ANKRD50: variants seen among roughly 807,000 people sequenced by gnomAD.
ANKRD50 encodes the protein ankyrin repeat domain-containing protein 50.
Under a neutral mutation model 112.0 loss-of-function variants are expected in ANKRD50, and 40 were observed. The ratio of observed to expected loss-of-function variants is 0.36; its 90% confidence interval spans 0.28 to 0.46. ANKRD50 has a LOEUF of 0.46. Ranked by LOEUF, ANKRD50 falls within the 20% of genes least tolerant of loss-of-function variation. The probability of loss-of-function intolerance (pLI) is 1.00; values close to 1 mark genes in which losing one functional copy is unlikely to be tolerated. For synonymous variants in ANKRD50, 613 were observed against 619.1 expected (o/e 0.99, Z 0.15); for missense variants, 1,487 against 1,701.7 (o/e 0.87, Z 2.22).
At chr4:124,706,281 T>C (rs1725502129) in intron 2 of ANKRD50, among the ~76,000 whole-genome samples, 1 of 152,042 alleles carries the variant, frequency 6.6e-6, no homozygotes. Context: ...TTATTTGTCA[T>C]ACAAATAAAT....
intron 3 of ANKRD50, among the ~76,000 whole-genome samples, chr4:124,676,186 T>C (rs1730770032): frequency 6.6e-6 from 1 of 151,730 alleles, no homozygotes; most frequent in South Asian, 2.1e-4. Context: ...ACAGATATGT[T>C]ATGTTTATGA....
chr4:124,681,367 G>A (rs769783273), intron 2 of ANKRD50, among the ~76,000 whole-genome samples: 2 of 152,164 alleles, frequency 1.3e-5, no homozygotes, highest in Non-Finnish European at 2.9e-5. Context: ...TGGTAAGAAA[G>A]GGATTCAAGT....
At chr4:124,696,235 GA>G (rs1288625475) in intron 2 of ANKRD50, among the ~76,000 whole-genome samples, 1 of 151,874 alleles carries the variant, frequency 6.6e-6, no homozygotes, top group Non-Finnish European at 1.5e-5. Flanking sequence ...TATAATATTT[GA>G]CATTAGGAAC....
intron 2 of ANKRD50, among the ~76,000 whole-genome samples, chr4:124,692,364 T>G (rs1725157410): frequency 6.6e-6 from 1 of 152,176 alleles, no homozygotes; most frequent in Admixed American, 6.5e-5. Flanking sequence ...GTAAATATTT[T>G]AAAGCAATTT....
rs983212311 is a variant in ANKRD50 at position 124,664,544 on chromosome 4, TATC to T, written c.*2971_*2973del. 3.9e-5 allele frequency: 6 copies of T among 152,370 alleles called. No homozygotes were observed. In the Admixed American group the frequency reaches 3.9e-4, roughly 10 times the overall value. The allele number at this position is 152,370 out of a possible 1,614,324, so 9.4% of individuals were successfully genotyped here. A position where few individuals can be genotyped will look rare whatever the true frequency, so the allele number is the denominator to read the frequency against. ...ATATACACAGGGATTTTTTGAGTAA[TATC>T]ATACAAGGGATAAAATAAAACTTTT... On this transcript the variant is annotated 3_prime_UTR_variant, in exon 5 of 5. Coordinates refer to ENST00000504087, the MANE Select transcript of ANKRD50 (RefSeq NM_020337.3).
chr4:124,708,721 TAC>T (rs1193261113), intron 2 of ANKRD50, among the ~76,000 whole-genome samples: 23 of 111,836 alleles, frequency 2.1e-4, no homozygotes, highest in African/African-American at 6.2e-4. Flanking sequence ...CACACACACA[TAC>T]ACACACACAC....
At chr4:124,706,947 CAAAG>C (rs1042663854) in intron 2 of ANKRD50, among the ~76,000 whole-genome samples, 2 of 151,908 alleles carry the variant, frequency 1.3e-5, no homozygotes, top group African/African-American at 4.8e-5. Flanking sequence ...TATGGGTACT[CAAAG>C]TAAGGTTTCT....
rs1560815466 is a variant in ANKRD50, at chr4:124,667,034, T to C, written c.*484A>G. 6.6e-6 allele frequency: 1 copy of C among 152,012 alleles called. No homozygotes were observed. 9.4% of individuals were successfully genotyped at this position (152,012 alleles called of 1,614,324 possible). ...TAGAACAGTTGCAAGATTTGTTTTATTGAGCAACGTCTTTAAAGATACAAG... is the reference window on the plus strand; with the variant it reads ...TAGAACAGTTGCAAGATTTGTTTTACTGAGCAACGTCTTTAAAGATACAAG... On this transcript the variant is annotated 3_prime_UTR_variant, in exon 5 of 5. Coordinates refer to ENST00000504087, the MANE Select transcript of ANKRD50 (RefSeq NM_020337.3).
At chr4:124,707,342 C>G (rs1292926507) in intron 2 of ANKRD50, among the ~76,000 whole-genome samples, 5 of 151,956 alleles carry the variant, frequency 3.3e-5, no homozygotes, top group African/African-American at 1.2e-4. Context: ...TTTAAGAAAT[C>G]TGTCAATCAA....
At chr4:124,673,457 A>T (rs1560820452) in intron 3 of ANKRD50, among the ~76,000 whole-genome samples, 1 of 152,132 alleles carries the variant, frequency 6.6e-6, no homozygotes, top group Non-Finnish European at 1.5e-5. Context: ...AACGATTTTT[A>T]AAGAGGCTGT....
At position 124,672,298 on chromosome 4, in the gene ANKRD50, G is replaced by T. The variant is rs771782565; in HGVS notation, c.979C>A (p.Pro327Thr). 1 of 1,613,496 alleles carries T rather than the reference G, an allele frequency of 6.2e-7. No individual in the cohort carries two copies. The highest frequency in any genetic ancestry group is 1.1e-5 in the South Asian group (1 of 91,012). The stretch of plus-strand genomic sequence containing the variant: ...AGATATAAACCATTTAGAGTTCCTG[G>T]GATGTCACGAATTTCTCTTAACATA... Reference protein sequence around the residue: ...FIMLREIRDIPGTLNGLYLWL... With the variant: ...FIMLREIRDITGTLNGLYLWL... Residue 327 changes from proline to threonine, a missense_variant, in exon 4 of 5, where the codon CCA becomes ACA. This residue lies in a region of ANKRD50 where 1,046 missense variants were observed against 1,269.5 expected (regional missense o/e 0.82). Transcript: ENST00000504087.
intron 2 of ANKRD50, among the ~76,000 whole-genome samples, chr4:124,698,242 G>C (rs13434506): frequency 0.053 from 8,103 of 152,126 alleles, 234 homozygotes; most frequent in Middle Eastern, 0.086. Context: ...TTAGAGTATA[G>C]ATCCATACTC....
chr4:124,698,856 C>A (rs1725317512), intron 2 of ANKRD50, among the ~76,000 whole-genome samples: 1 of 152,000 alleles, frequency 6.6e-6, no homozygotes, highest in Non-Finnish European at 1.5e-5. Flanking sequence ...TATACTCCTC[C>A]ATTTACTTAA....
chr4:124,678,907 T>C lies in ANKRD50; in HGVS notation c.513-2A>G. The C allele has an allele frequency of 1.3e-6, 2 of 1,590,424 alleles. No homozygotes were observed. The highest frequency in any genetic ancestry group is 1.7e-6 in the Non-Finnish European group (2 of 1,159,342). On this transcript the variant is annotated splice_acceptor_variant, in intron 2 of 4. Coordinates refer to ENST00000504087, the MANE Select transcript of ANKRD50 (RefSeq NM_020337.3). LOFTEE classifies it high-confidence loss of function. ...CCCAGAAGAGGGAGTAGAACACACC[T>C]GTAAAACACATACACATGAGCATTT...
At position 124,710,710 on chromosome 4, in the gene ANKRD50, T is replaced by C; in HGVS notation, c.-199A>G. On this transcript the variant is annotated 5_prime_UTR_variant, in exon 2 of 5. Coordinates refer to ENST00000504087, the MANE Select transcript of ANKRD50 (RefSeq NM_020337.3). ...TTCCTTATTCTTGATCAGCAGTCTA[T>C]GTATTAGTTGTTGAACTGAGGGAGA... 1.6e-6 allele frequency: 1 copy of C among 637,954 alleles called. No homozygotes were observed. Among genetic ancestry groups the C allele is most frequent in the Non-Finnish European group, 2.6e-6 (1 of 378,662 alleles). 39.5% of individuals were successfully genotyped at this position (637,954 alleles called of 1,614,324 possible).
intron 2 of ANKRD50, among the ~76,000 whole-genome samples, chr4:124,694,885 A>C (rs1725217044): frequency 6.6e-6 from 1 of 152,202 alleles, no homozygotes; most frequent in Admixed American, 6.5e-5. Flanking sequence ...GAAATCCAAA[A>C]AAGAGAGTGA....
chr4:124,675,748 T>A (rs1226844374), intron 3 of ANKRD50, among the ~76,000 whole-genome samples: 3 of 151,812 alleles, frequency 2.0e-5, no homozygotes, highest in Non-Finnish European at 3.0e-5. Context: ...GTTAATTTTT[T>A]GTGCACAAAA....
intron 2 of ANKRD50, among the ~76,000 whole-genome samples, chr4:124,691,575 A>G (rs1176629673): frequency 6.6e-6 from 1 of 151,766 alleles, no homozygotes; most frequent in South Asian, 2.1e-4. Flanking sequence ...AAAGTTCAAT[A>G]AATTATTTTT....
intron 2 of ANKRD50, among the ~76,000 whole-genome samples, chr4:124,691,423 C>T (rs909610511): frequency 1.6e-5 from 2 of 126,684 alleles, no homozygotes; most frequent in Admixed American, 2.0e-4. Context: ...ACCCGGGAAG[C>T]GGAGCTTGCA....
Sources: gnomAD v4.1 joint callset for allele counts (sites outside exome capture counted in the v4.1 genomes callset) on GRCh38, gnomAD v4.1.1 for gene constraint, gnomAD v4.1.1 regional missense constraint, MANE v1.5 for transcripts, NCBI Gene and HGNC (gene_info 2026-07-23, HGNC 2026-07-21) for gene names.